CCRL2: variants seen among roughly 807,000 people sequenced by gnomAD.
CCRL2 encodes C-C motif chemokine receptor like 2.
For synonymous variants in CCRL2, 181 were observed against 165.6 expected, an observed-to-expected ratio of 1.09 and a Z score of -0.71; for missense variants, 451 against 412.4, an observed-to-expected ratio of 1.09 and a Z score of -0.81.
chr3:46,407,451 G>A lies in CCRL2; in HGVS notation c.-64G>A, dbSNP rs534007991. On this transcript the variant is annotated 5_prime_UTR_variant, in exon 1 of 2. Transcript: ENST00000399036. Reference sequence around the variant, plus strand: ...GTCCGGGGCCATTCCCACAGCTCCCGGATGCTGGGTCTGGAGGCTGCGCCC... The same window carrying A: ...GTCCGGGGCCATTCCCACAGCTCCCAGATGCTGGGTCTGGAGGCTGCGCCC... The A allele has an allele frequency of 2.9e-5, 16 of 560,288 alleles. No homozygotes were observed. The South Asian group carries it at 3.3e-4, about 12-fold the overall frequency. 34.7% of individuals were successfully genotyped at this position (560,288 alleles called of 1,614,324 possible).
At position 46,409,280 on chromosome 3, in the gene CCRL2, G is replaced by A. The variant is rs1422398888; in HGVS notation, c.*166G>A. 5.9e-6 allele frequency: 4 copies of A among 680,246 alleles called. No individual in the cohort carries two copies. Among genetic ancestry groups the A allele is most frequent in the Admixed American group, 3.0e-5 (1 of 33,646 alleles). The allele number at this position is 680,246 out of a possible 1,614,324, so 42.1% of individuals were successfully genotyped here. On this transcript the variant is annotated 3_prime_UTR_variant, in exon 2 of 2. Transcript: ENST00000399036. ...GAATTTGTCTCAGGCACCGTGCAAG[G>A]CTCTTTACAAACGTGAGCTCCTTCG...
chr3:46,407,638 G>C (rs1358877483), intron 1 of CCRL2, 136 bp downstream of exon 1: 9 of 1,538,672 alleles, frequency 5.8e-6, no homozygotes, highest in Non-Finnish European at 7.9e-6. Context: ...AGCTGCTTCG[G>C]GGGGTGAGCA....
At chr3:46,407,885 T>C in intron 1 of CCRL2, 183 bp from the exon 2 acceptor site, 1 of 668,464 alleles carries the variant, frequency 1.5e-6, no homozygotes, top group East Asian at 2.7e-5. Context: ...ATGGTGCTGC[T>C]CTGGGGAAGT....
rs779850827 is a variant in CCRL2, at chr3:46,408,650, G to T, written c.571G>T (p.Ala191Ser). Reference protein sequence around the residue: ...CAFSRTPFLPADETFWKHFLT... With the variant: ...CAFSRTPFLPSDETFWKHFLT... Reference sequence around the variant, plus strand: ...ATTTAGCAGAACTCCCTTCCTGCCAGCTGATGAGACATTCTGGAAGCATTT... The same window carrying T: ...ATTTAGCAGAACTCCCTTCCTGCCATCTGATGAGACATTCTGGAAGCATTT... Residue 191 changes from alanine to serine, a missense_variant, in exon 2 of 2, where the codon GCT becomes TCT. Ala to Ser is a moderately conservative substitution (Grantham distance 99). Coordinates refer to ENST00000399036, the MANE Select transcript of CCRL2 (RefSeq NM_003965.5). 7 of 1,614,200 alleles carry T rather than the reference G, an allele frequency of 4.3e-6. No individual in the cohort carries two copies. Among genetic ancestry groups the T allele is most frequent in the East Asian group, 4.5e-5 (2 of 44,886 alleles).
chr3:46,407,367 A>T lies in CCRL2; in HGVS notation c.-148A>T, dbSNP rs973805556. On this transcript the variant is annotated 5_prime_UTR_variant, in exon 1 of 2. Coordinates refer to ENST00000399036, the MANE Select transcript of CCRL2 (RefSeq NM_003965.5). ...GGGTAGAGCCACCAGGGGAATCAAC[A>T]GTGGTTTCTCGTGCCCCTCAGGGTC... 7.8e-6 allele frequency: 3 copies of T among 385,924 alleles called. No individual in the cohort carries two copies. Among genetic ancestry groups the T allele is most frequent in the Non-Finnish European group, 1.4e-5 (3 of 219,036 alleles). 23.9% of individuals were successfully genotyped at this position (385,924 alleles called of 1,614,324 possible).
intron 1 of CCRL2, 130 bp from the exon 2 acceptor site, chr3:46,407,938 G>A: frequency 1.4e-6 from 1 of 731,240 alleles, no homozygotes. Context: ...TTCTGAAATA[G>A]GGAATTACTC....
At position 46,409,324 on chromosome 3, in the gene CCRL2, T is replaced by G. The variant is rs1348720269; in HGVS notation, c.*210T>G. 2 of 597,114 alleles carry G rather than the reference T, an allele frequency of 3.3e-6. No individual in the cohort carries two copies. Among genetic ancestry groups the G allele is most frequent in the East Asian group, 5.7e-5 (2 of 34,930 alleles). The allele number at this position is 597,114 out of a possible 1,614,324, so 37.0% of individuals were successfully genotyped here. A position where few individuals can be genotyped will look rare whatever the true frequency, so the allele number is the denominator to read the frequency against. ...TCCTTCGCCTCCTACCACTTGTCCA[T>G]AGTGTGGATAGGACTAGTCTCATTT... On this transcript the variant is annotated 3_prime_UTR_variant, in exon 2 of 2. Coordinates refer to ENST00000399036, the MANE Select transcript of CCRL2 (RefSeq NM_003965.5).
Position 46,408,373 on chromosome 3 carries a change from G to A in CCRL2, c.294G>A (p.Gly98=), listed in dbSNP as rs6808835. Residue 98 remains glycine (G), a synonymous_variant, in exon 2 of 2, where the codon GGG becomes GGA. Coordinates refer to ENST00000399036, the MANE Select transcript of CCRL2 (RefSeq NM_003965.5). ...LLTLPFWAHA[G]GDPMCKILIG... ...CCCTGCCCTTCTGGGCTCATGCTGG[G>A]GGCGATCCCATGTGTAAAATTCTCA... 6.2e-7 allele frequency: 1 copy of A among 1,613,874 alleles called. No homozygotes were observed. The highest frequency in any genetic ancestry group is 8.5e-7 in the Non-Finnish European group (1 of 1,179,926).
rs1702106416 is a variant in CCRL2 at position 46,409,248 on chromosome 3, A to G, written c.*134A>G. 6 of 887,572 alleles carry G rather than the reference A, an allele frequency of 6.8e-6. No individual in the cohort carries two copies. Among genetic ancestry groups the G allele is most frequent in the Middle Eastern group, 2.3e-4 (1 of 4,320 alleles). The allele number at this position is 887,572 out of a possible 1,614,324, so 55.0% of individuals were successfully genotyped here. On this transcript the variant is annotated 3_prime_UTR_variant, in exon 2 of 2. Coordinates refer to ENST00000399036, the MANE Select transcript of CCRL2 (RefSeq NM_003965.5). The stretch of plus-strand genomic sequence containing the variant: ...AGGGAGAGGTGAGCTAACATTTGCT[A>G]AGCACTGAATTTGTCTCAGGCACCG...
chr3:46,407,983 G>A (rs1051426559), intron 1 of CCRL2, 85 bp from the exon 2 acceptor site: 7 of 988,306 alleles, frequency 7.1e-6, no homozygotes, highest in Admixed American at 2.7e-5. Flanking sequence ...GGAAAGTGGG[G>A]CTGTATGAAT....
Position 46,409,419 on chromosome 3 carries a change from C to G in CCRL2, c.*305C>G. 2.6e-6 allele frequency: 1 copy of G among 380,684 alleles called. No homozygotes were observed. The highest frequency in any genetic ancestry group is 4.9e-6 in the Non-Finnish European group (1 of 202,542). The allele number at this position is 380,684 out of a possible 1,614,324, so 23.6% of individuals were successfully genotyped here. A position where few individuals can be genotyped will look rare whatever the true frequency, so the allele number is the denominator to read the frequency against. On this transcript the variant is annotated 3_prime_UTR_variant, in exon 2 of 2. Coordinates refer to ENST00000399036, the MANE Select transcript of CCRL2 (RefSeq NM_003965.5). ...TAACTAGGAAGTGGCAGAACTGATT[C>G]TCCAGCCCTGGTAGCATTTGCTCAG...
intron 1 of CCRL2, chr3:46,407,728 T>C (rs1450470087): frequency 2.0e-6 from 3 of 1,485,580 alleles, no homozygotes; most frequent in South Asian, 2.5e-5. Flanking sequence ...TTTAATTATA[T>C]ATTTTCTTAC....
In CCRL2 at chr3:46,408,281, G is replaced by C. The variant is rs765020316; in HGVS notation, c.202G>C (p.Gly68Arg). 6.2e-7 allele frequency: 1 copy of C among 1,614,164 alleles called. No individual in the cohort carries two copies. The highest frequency in any genetic ancestry group is 1.1e-5 in the South Asian group (1 of 91,082). Residue 68 changes from glycine to arginine, a missense_variant, in exon 2 of 2, where the codon GGA becomes CGA. Physicochemically the swap from Gly to Arg is moderately radical, Grantham distance 125. Transcript: ENST00000399036. ...TGTGCTTATCCTGGTAAAATATAAA[G>C]GACTCAAACGCGTGGAAAATATCTA... is the stretch of plus-strand genomic sequence containing the variant. ...LVVLILVKYK[G>R]LKRVENIYLL...
In CCRL2 at chr3:46,408,939, T is replaced by C. The variant is rs765830889; in HGVS notation, c.860T>C (p.Leu287Pro). The change falls in exon 2 of 2, where the codon CTC becomes CCC. Residue 287 changes from leucine (L) to proline (P), a missense_variant. Coordinates refer to ENST00000399036, the MANE Select transcript of CCRL2 (RefSeq NM_003965.5). Reference sequence around the variant, plus strand: ...GACAAAAGTGTTCACATCACTAAACTCATCGCCACCACCCACTGCTGCATC... The same window carrying C: ...GACAAAAGTGTTCACATCACTAAACCCATCGCCACCACCCACTGCTGCATC... ...NLDKSVHITK[L>P]IATTHCCINP... 3 of 1,614,124 alleles carry C rather than the reference T, an allele frequency of 1.9e-6. No individual in the cohort carries two copies. The highest frequency in any genetic ancestry group is 2.5e-6 in the Non-Finnish European group (3 of 1,180,028).
chr3:46,409,435 A>G lies in CCRL2; in HGVS notation c.*321A>G, dbSNP rs565323802. On this transcript the variant is annotated 3_prime_UTR_variant, in exon 2 of 2. Coordinates refer to ENST00000399036, the MANE Select transcript of CCRL2 (RefSeq NM_003965.5). The stretch of plus-strand genomic sequence containing the variant: ...GAACTGATTCTCCAGCCCTGGTAGC[A>G]TTTGCTCAGAGCCTACGCTTGGTCC... 1 of 345,924 alleles carries G rather than the reference A, an allele frequency of 2.9e-6. No homozygotes were observed. The highest frequency in any genetic ancestry group is 5.1e-5 in the South Asian group (1 of 19,582). 21.4% of individuals were successfully genotyped at this position (345,924 alleles called of 1,614,324 possible).
rs200546954 is a variant in CCRL2, at chr3:46,408,699, C to T, written c.620C>T (p.Ser207Leu). The T allele has an allele frequency of 2.1e-4, 346 of 1,614,190 alleles. No individual in the cohort carries two copies. In the African/African-American group the frequency reaches 4.1e-3, roughly 19 times the overall value. ...KHFLTLKMNI[S>L]VLVLPLFIFT... ...TTTCTGACTTTAAAAATGAACATTT[C>T]GGTTCTTGTCCTCCCCCTATTTATT... Residue 207 changes from serine (S) to leucine (L), a missense_variant, in exon 2 of 2, where the codon TCG becomes TTG. Coordinates refer to ENST00000399036, the MANE Select transcript of CCRL2 (RefSeq NM_003965.5).
Position 46,408,537 on chromosome 3 carries a change from T to C in CCRL2, c.458T>C (p.Val153Ala). ...RRVPCGIITS[V>A]LAWVTAILAT... ...GTGCCCTGTGGCATCATTACAAGTG[T>C]CCTGGCATGGGTAACAGCCATTCTG... Residue 153 changes from valine to alanine, a missense_variant, in exon 2 of 2, where the codon GTC becomes GCC. Transcript: ENST00000399036. 3.1e-6 allele frequency: 5 copies of C among 1,614,228 alleles called. No homozygotes were observed. The highest frequency in any genetic ancestry group is 4.2e-6 in the Non-Finnish European group (5 of 1,180,030).
At chr3:46,407,903 CG>C (rs1702071400) in intron 1 of CCRL2, 164 bp from the exon 2 acceptor site, 1 of 676,576 alleles carries the variant, frequency 1.5e-6, no homozygotes, top group East Asian at 2.7e-5. Context: ...AGTGGGCACA[CG>C]TTAAAGAAAT....
At position 46,408,753 on chromosome 3, in the gene CCRL2, A is replaced by G. The variant is rs1352593802; in HGVS notation, c.674A>G (p.Lys225Arg). The G allele has an allele frequency of 6.2e-7, 1 of 1,614,172 alleles. No individual in the cohort carries two copies. The highest frequency in any genetic ancestry group is 2.2e-5 in the East Asian group (1 of 44,888). The change falls in exon 2 of 2, where the codon AAA becomes AGA. Residue 225 changes from lysine (K) to arginine (R), a missense_variant. Lys to Arg is a conservative substitution (Grantham distance 26, BLOSUM62 2). Transcript: ENST00000399036. ...IFTFLYVQMRKTLRFREQRYS... is the reference protein window; with the variant it reads ...IFTFLYVQMRRTLRFREQRYS... ...ACATTTCTCTATGTGCAAATGAGAA[A>G]AACACTAAGGTTCAGGGAGCAGAGG...
Sources: allele counts gnomAD v4.1 joint callset, GRCh38; gene constraint gnomAD v4.1.1; transcripts MANE v1.5; gene names NCBI Gene and HGNC (gene_info 2026-07-23, HGNC 2026-07-21).